The following GNAL variants were observed in gnomAD, a reference collection of about 807,000 sequenced individuals.
The protein encoded by GNAL is G protein subunit alpha L.
Under a neutral mutation model 55.1 loss-of-function variants are expected in GNAL, and 18 were observed. The observed-to-expected ratio is 0.33, with a 90% CI of 0.23 to 0.48. The LOEUF is 0.48. GNAL is among the 20% of genes least tolerant of loss of function. GNAL has a pLI of 0.99. For missense variants in GNAL, 412 were observed against 614.1 expected (o/e 0.67, Z 3.48); for synonymous variants, 253 against 237.0 (o/e 1.07, Z -0.62).
At chr18:11,720,473 G>A (rs1298850057) in intron 1 of GNAL, among the ~76,000 whole-genome samples, 1 of 152,196 alleles carries the variant, frequency 6.6e-6, no homozygotes, top group African/African-American at 2.4e-5. Flanking sequence ...GTAGTGCGAC[G>A]TTATGTGTTT....
At chr18:11,726,084 C>G (rs149976985) in intron 1 of GNAL, among the ~76,000 whole-genome samples, 58 of 152,322 alleles carry the variant, frequency 3.8e-4, no homozygotes, top group African/African-American at 1.1e-3. Flanking sequence ...GAGTCTATTT[C>G]TGGGCTGTCT....
At chr18:11,736,355 A>G (rs1490959713) in intron 1 of GNAL, among the ~76,000 whole-genome samples, 3 of 152,208 alleles carry the variant, frequency 2.0e-5, no homozygotes, top group Non-Finnish European at 4.4e-5. Context: ...TGATCACACC[A>G]CTGCGTTCCA....
At chr18:11,832,151 AAATC>A (rs147025059) in intron 5 of GNAL, among the ~76,000 whole-genome samples, 6,426 of 152,314 alleles carry the variant, frequency 0.042, 163 homozygotes, top group African/African-American at 0.07. Flanking sequence ...GGGAGAAAGA[AAATC>A]AGAGAGAATT....
intron 1 of GNAL, among the ~76,000 whole-genome samples, chr18:11,706,157 A>T (rs12454230): frequency 0.71 from 107,506 of 151,762 alleles, 38,625 homozygotes; most frequent in African/African-American, 0.8. Context: ...TCAGAGATTA[A>T]CCCCTTATCA....
intron 1 of GNAL, chr18:11,702,309 C>T (rs1016661373): frequency 3.3e-5 from 5 of 152,226 alleles, no homozygotes; most frequent in African/African-American, 4.8e-5. Flanking sequence ...GAATCAGGAC[C>T]GAGCAAGAGG....
intron 5 of GNAL, chr18:11,851,451 A>G: frequency 6.8e-7 from 1 of 1,469,568 alleles, no homozygotes; most frequent in East Asian, 2.5e-5. Context: ...GACTTACCTT[A>G]CCTTCTCTGC....
At chr18:11,774,144 T>C (rs1046837943) in intron 4 of GNAL, among the ~76,000 whole-genome samples, 2 of 152,162 alleles carry the variant, frequency 1.3e-5, no homozygotes, top group South Asian at 2.1e-4. Context: ...CGTAATGTTA[T>C]GTGTGTGTGC....
rs2036766125 is a variant in GNAL, at chr18:11,883,374, A to C, written c.*2239A>C. On this transcript the variant is annotated 3_prime_UTR_variant, in exon 12 of 12. Coordinates refer to ENST00000334049, the MANE Select transcript of GNAL (RefSeq NM_182978.4). ...GAAAGGGAAGTATGCTGTTGTATGCATCATTACTCAACAATTACCCTCTAA... is the reference window on the plus strand; with the variant it reads ...GAAAGGGAAGTATGCTGTTGTATGCCTCATTACTCAACAATTACCCTCTAA... The C allele has an allele frequency of 6.5e-6, 1 of 153,280 alleles. No individual in the cohort carries two copies. Among genetic ancestry groups the C allele is most frequent in the Non-Finnish European group, 1.5e-5 (1 of 68,030 alleles). The allele number at this position is 153,280 out of a possible 1,614,324, so 9.5% of individuals were successfully genotyped here. A position where few individuals can be genotyped will look rare whatever the true frequency, so the allele number is the denominator to read the frequency against.
intron 5 of GNAL, chr18:11,857,226 A>T (rs2036028500): frequency 6.6e-6 from 1 of 152,510 alleles, no homozygotes; most frequent in African/African-American, 2.4e-5. Context: ...AAATCACAGT[A>T]TAAGGCAGCA....
intron 5 of GNAL, among the ~76,000 whole-genome samples, chr18:11,847,139 C>A (rs542678418): frequency 1.4e-4 from 21 of 151,990 alleles, no homozygotes; most frequent in African/African-American, 4.8e-4. Flanking sequence ...CTACATTCAA[C>A]AGAAATTTAT....
intron 9 of GNAL, among the ~76,000 whole-genome samples, chr18:11,869,226 C>G (rs796266538): frequency 4.7e-4 from 72 of 152,136 alleles, no homozygotes; most frequent in African/African-American, 1.7e-3. Context: ...CCACTGCAAG[C>G]TCCACCTCCC....
At chr18:11,820,629 G>T (rs2035067124) in intron 4 of GNAL, among the ~76,000 whole-genome samples, 1 of 152,214 alleles carries the variant, frequency 6.6e-6, no homozygotes, top group African/African-American at 2.4e-5. Flanking sequence ...TGGGTACCTG[G>T]AGATTCATTC....
chr18:11,718,034 C>T (rs768029072), intron 1 of GNAL, among the ~76,000 whole-genome samples: 1 of 152,084 alleles, frequency 6.6e-6, no homozygotes, highest in East Asian at 1.9e-4. Flanking sequence ...TATTACATGA[C>T]AGTGTTAGAA....
intron 1 of GNAL, among the ~76,000 whole-genome samples, chr18:11,695,408 G>A (rs969616600): frequency 6.6e-6 from 1 of 152,094 alleles, no homozygotes; most frequent in Non-Finnish European, 1.5e-5. Flanking sequence ...GAGGCCCTGG[G>A]TCTACACCAA....
Position 11,881,350 on chromosome 18 carries a change from A to C in GNAL, c.*215A>C. 10 of 431,660 alleles carry C rather than the reference A, an allele frequency of 2.3e-5. No homozygotes were observed. Among genetic ancestry groups the C allele is most frequent in the South Asian group, 9.7e-5 (2 of 20,670 alleles). The allele number at this position is 431,660 out of a possible 1,614,324, so 26.7% of individuals were successfully genotyped here. ...GGCCTCCCGCAGCATCCCACCCCCA[A>C]ACCACCGACTCTCATTGCCGACACT... On this transcript the variant is annotated 3_prime_UTR_variant, in exon 12 of 12. Transcript: ENST00000334049. The surrounding 1 kb of genome is among the most constrained non-coding windows in gnomAD (Gnocchi z 4.8).
intron 4 of GNAL, among the ~76,000 whole-genome samples, chr18:11,792,627 C>A (rs566795773): frequency 6.6e-6 from 1 of 152,346 alleles, no homozygotes; most frequent in South Asian, 2.1e-4. Context: ...TCTTTGAGGA[C>A]AAGGGCACCT....
At chr18:11,761,108 G>A (rs931809428) in intron 4 of GNAL, among the ~76,000 whole-genome samples, 10 of 152,036 alleles carry the variant, frequency 6.6e-5, no homozygotes, top group South Asian at 2.1e-4. Flanking sequence ...CAGTCCACAC[G>A]GCCCCCAGGT....
chr18:11,755,098 C>A (rs567549757), intron 4 of GNAL, among the ~76,000 whole-genome samples: 1 of 151,948 alleles, frequency 6.6e-6, no homozygotes, highest in East Asian at 1.9e-4. Context: ...AGACATTTTT[C>A]ATTCTTAGAA....
At chr18:11,722,020 T>C (rs1411222202) in intron 1 of GNAL, among the ~76,000 whole-genome samples, 2 of 152,132 alleles carry the variant, frequency 1.3e-5, no homozygotes, top group African/African-American at 4.8e-5. Context: ...ATTGACTCCT[T>C]GAATAAACAG....
Sources: allele counts gnomAD v4.1 joint callset (sites outside exome capture counted in the v4.1 genomes callset), GRCh38; gene constraint gnomAD v4.1.1; non-coding constraint Gnocchi (gnomAD v3.1); transcripts MANE v1.5; gene names NCBI Gene and HGNC (gene_info 2026-07-23, HGNC 2026-07-21).